Variants in PKD1L1 observed in about 807,000 individuals in gnomAD.
The protein encoded by PKD1L1 is polycystin 1 like 1, transient receptor potential channel interacting.
Under a neutral mutation model 323.4 loss-of-function variants are expected in PKD1L1, and 236 were observed. The ratio of observed to expected loss-of-function variants is 0.73; its 90% CI spans 0.66 to 0.81. The LOEUF is 0.81. PKD1L1 is among the 40% of genes least tolerant of loss of function. The probability of loss-of-function intolerance (pLI) is 0.00; values close to 1 mark genes in which losing one functional copy is unlikely to be tolerated. For missense variants in PKD1L1, 3,320 were observed against 3,508.0 expected (o/e 0.95, Z 1.35); for synonymous variants, 1,344 against 1,335.0 (o/e 1.01, Z -0.15).
intron 19 of PKD1L1, among the ~76,000 whole-genome samples, chr7:47,884,239 G>T (rs974257039): frequency 6.6e-6 from 1 of 152,194 alleles, no homozygotes. Flanking sequence ...TTCCCAGAGA[G>T]AAATGGAGCC....
intron 51 of PKD1L1, among the ~76,000 whole-genome samples, chr7:47,808,609 A>G (rs1784831494): frequency 6.6e-6 from 1 of 152,196 alleles, no homozygotes; most frequent in Non-Finnish European, 1.5e-5. Context: ...GAGACAGCCT[A>G]TTGTTCCCAG....
chr7:47,945,494 C>A (rs1056632003), intron 1 of PKD1L1, among the ~76,000 whole-genome samples: 5 of 152,156 alleles, frequency 3.3e-5, no homozygotes, highest in African/African-American at 1.2e-4. Context: ...AGGTCAAAGG[C>A]CTCAAACTGT....
chr7:47,802,481 A>G (rs570640037), intron 53 of PKD1L1, among the ~76,000 whole-genome samples: 2 of 152,144 alleles, frequency 1.3e-5, no homozygotes, highest in African/African-American at 2.4e-5. Context: ...TAAGGTGAAT[A>G]GGGCTTGCAG....
rs1262277561 is a variant in PKD1L1 at position 47,840,014 on chromosome 7, C to T, written c.5553-352G>A. ...ATACTCCAAACCTATAAATATCATA[C>T]ATGAAATTTACCAGGAGAAAAAATA... On this transcript the variant is annotated intron_variant, in intron 35 of 56. Transcript: ENST00000289672. This position sits in a 1 kb window ranked among gnomAD's most constrained non-coding sequence, Gnocchi z 4.1. 1.3e-5 allele frequency among the ~76,000 whole-genome samples: 2 copies of T among 152,200 alleles called. No homozygotes were observed.
intron 26 of PKD1L1, among the ~76,000 whole-genome samples, chr7:47,864,245 A>G (rs1449985556): frequency 6.6e-6 from 1 of 152,160 alleles, no homozygotes; most frequent in Non-Finnish European, 1.5e-5. Flanking sequence ...TAAAGGGAGA[A>G]GCCTATGCAG....
the PKD1L1 span, among the ~76,000 whole-genome samples, chr7:47,959,012 C>A: frequency 6.6e-6 from 1 of 152,242 alleles, no homozygotes; most frequent in African/African-American, 2.4e-5. Context: ...TTGGTGGAGA[C>A]GGGGTTTCGC....
At chr7:47,807,999 C>CT (rs1784816378) in intron 52 of PKD1L1, among the ~76,000 whole-genome samples, 1 of 152,172 alleles carries the variant, frequency 6.6e-6, no homozygotes, top group Non-Finnish European at 1.5e-5. Context: ...CCTGGAGGCA[C>CT]TGGGGGAATT....
intron 9 of PKD1L1, 109 bp downstream of exon 9, chr7:47,907,968 T>G: frequency 1.4e-5 from 14 of 1,034,684 alleles, no homozygotes; most frequent in Non-Finnish European, 1.8e-5. Flanking sequence ...TGAAGGATGT[T>G]GTATCAAATT....
Position 47,821,929 on chromosome 7 carries a change from T to A in PKD1L1, c.6855-743A>T, listed in dbSNP as rs190278288. ...GTCTTAAACTCTTGATATCAGGTGA[T>A]CCACCTGCCTTGGCCTCCCAAAGTG... is the stretch of plus-strand genomic sequence containing the variant. On this transcript the variant is annotated intron_variant, in intron 45 of 56. Transcript: ENST00000289672. 3.6e-3 allele frequency among the ~76,000 whole-genome samples: 546 copies of A among 152,172 alleles called. 2 individuals are homozygous for A. Among genetic ancestry groups the A allele is most frequent in the Non-Finnish European group, 6.2e-3 (425 of 68,012 alleles).
intron 52 of PKD1L1, among the ~76,000 whole-genome samples, chr7:47,806,706 G>T (rs1368063822): frequency 3.3e-5 from 5 of 152,208 alleles, no homozygotes; most frequent in Admixed American, 6.5e-5. Flanking sequence ...TGCAGAACAG[G>T]TCCCTGGTTG....
chr7:47,781,313 G>A (rs932895713), intron 56 of PKD1L1, among the ~76,000 whole-genome samples: 7 of 151,470 alleles, frequency 4.6e-5, no homozygotes, highest in Non-Finnish European at 8.8e-5. Context: ...TTGAACATGC[G>A]GTCTGCAAAT....
intron 28 of PKD1L1, 145 bp downstream of exon 28, chr7:47,857,460 T>A: frequency 4.6e-6 from 3 of 659,338 alleles, no homozygotes; most frequent in African/African-American, 1.8e-5. Context: ...GTGTTCTAAG[T>A]GATCCCTCTT....
intron 8 of PKD1L1, among the ~76,000 whole-genome samples, chr7:47,910,826 T>G (rs1272734615): frequency 2.4e-5 from 3 of 126,080 alleles, no homozygotes; most frequent in Non-Finnish European, 4.8e-5. Flanking sequence ...CCAGCTGATT[T>G]TGTGTGTGTG....
intron 9 of PKD1L1, 100 bp downstream of exon 9, chr7:47,907,977 T>C (rs1298331203): frequency 2.9e-5 from 34 of 1,186,526 alleles, no homozygotes; most frequent in Non-Finnish European, 3.7e-5. Flanking sequence ...TTGTATCAAA[T>C]TTAGAACTGC....
intron 52 of PKD1L1, among the ~76,000 whole-genome samples, chr7:47,805,656 C>T (rs1784760621): frequency 6.6e-6 from 1 of 152,226 alleles, no homozygotes; most frequent in African/African-American, 2.4e-5. Flanking sequence ...CTTGAGCACT[C>T]CTGGGTCAGG....
chr7:47,792,766 A>G lies in PKD1L1; in HGVS notation c.8387T>C (p.Leu2796Ser), dbSNP rs1786981359. The change falls in exon 56 of 57, where the codon TTA becomes TCA. Residue 2796 changes from leucine to serine, a missense_variant. Physicochemically the swap from Leu to Ser is moderately radical, Grantham distance 145. Coordinates refer to ENST00000289672, the MANE Select transcript of PKD1L1 (RefSeq NM_138295.5). The stretch of plus-strand genomic sequence containing the variant: ...ATTAATCTTCATCAGAAGTTCGTCT[A>G]ACAGATTTGCAAATTCATCCAAGTA... ...NYYLDEFANL[L>S]DELLMKINGL... 6.2e-7 allele frequency: 1 copy of G among 1,613,696 alleles called. No homozygotes were observed. The highest frequency in any genetic ancestry group is 1.7e-5 in the Admixed American group (1 of 59,916).
chr7:47,831,306 G>A lies in PKD1L1; in HGVS notation c.6384C>T (p.Ala2128=), dbSNP rs1349564294. Residue 2128 remains alanine (A), a synonymous_variant, in exon 42 of 57, where the codon GCC becomes GCT. Transcript: ENST00000289672. ...LEGLMPQWSR[A]LQPWWSSAVW... ...CTGCAGAGCTCCACCAAGGCTGAAG[G>A]GCCCTTGACCACTGGGGCATTAGTC... 1.9e-6 allele frequency: 3 copies of A among 1,614,120 alleles called. No homozygotes were observed. The highest frequency in any genetic ancestry group is 2.5e-6 in the Non-Finnish European group (3 of 1,180,004).
intron 15 of PKD1L1, among the ~76,000 whole-genome samples, chr7:47,892,423 G>C (rs1330593139): frequency 6.6e-6 from 1 of 152,198 alleles, no homozygotes; most frequent in Non-Finnish European, 1.5e-5. Context: ...AATGGGTTGG[G>C]AGAGGTCACA....
At chr7:47,849,819 C>T (rs1038418276) in intron 31 of PKD1L1, among the ~76,000 whole-genome samples, 2 of 152,134 alleles carry the variant, frequency 1.3e-5, no homozygotes, top group Non-Finnish European at 2.9e-5. Context: ...TATGTATGCA[C>T]CATGGAATAC....
Sources: gnomAD v4.1 joint callset for allele counts (sites outside exome capture counted in the v4.1 genomes callset) on GRCh38, gnomAD v4.1.1 for gene constraint, Gnocchi (gnomAD v3.1) non-coding constraint, MANE v1.5 for transcripts, NCBI Gene and HGNC (gene_info 2026-07-23, HGNC 2026-07-21) for gene names.